DLD: variants seen among roughly 807,000 people sequenced by gnomAD.
The protein encoded by DLD is dihydrolipoyl dehydrogenase, mitochondrial.
A neutral mutation model predicts 62.2 loss-of-function variants in DLD; 36 were observed. That is an observed-to-expected ratio of 0.58 (90% confidence interval 0.44 to 0.76). The LOEUF is 0.76. Among genes scored for constraint, DLD ranks in the 30% least tolerant of loss-of-function variants. DLD has a pLI of 0.00. For missense variants in DLD, 541 were observed against 608.6 expected (o/e 0.89, Z 1.17); for synonymous variants, 204 against 199.6 (o/e 1.02, Z -0.19).
At chr7:107,891,558 CA>C (rs776786801) in intron 1 of DLD, 39 of 589,140 alleles carry the variant, frequency 6.6e-5, no homozygotes, top group Non-Finnish European at 1.1e-4. Flanking sequence ...GCCACACCCC[CA>C]AGCCTGGGCC....
intron 2 of DLD, among the ~76,000 whole-genome samples, chr7:107,896,234 G>C (rs553206485): frequency 6.6e-6 from 1 of 152,170 alleles, no homozygotes; most frequent in Non-Finnish European, 1.5e-5. Context: ...TTAGCTTTGC[G>C]GTAGCACTGG....
chr7:107,895,889 CA>C (rs1185809312), intron 2 of DLD, among the ~76,000 whole-genome samples: 1 of 152,098 alleles, frequency 6.6e-6, no homozygotes, highest in African/African-American at 2.4e-5. Flanking sequence ...CACACACAGA[CA>C]CAGCATGTGC....
rs570539642 is a variant in DLD at position 107,893,205 on chromosome 7, C to G, written c.45C>G (p.Gly15=). The part of the protein sequence containing the change: ...SRVYCSLAKR[G]HFNRISHGLQ... The stretch of plus-strand genomic sequence containing the variant: ...GGGACATTTTCTTTTTCTAGAGAGG[C>G]CATTTCAATCGAATATCTCATGGCC... Residue 15 remains glycine (G), a synonymous_variant, in exon 2 of 14, where the codon GGC becomes GGG. Coordinates refer to ENST00000205402, the MANE Select transcript of DLD (RefSeq NM_000108.5). The G allele has an allele frequency of 1.2e-5, 20 of 1,612,906 alleles. No individual in the cohort carries two copies. Among genetic ancestry groups the G allele is most frequent in the Non-Finnish European group, 1.7e-5 (20 of 1,179,366 alleles).
chr7:107,898,469 CAG>C (rs776292815), intron 2 of DLD, among the ~76,000 whole-genome samples: 39 of 149,996 alleles, frequency 2.6e-4, no homozygotes, highest in Non-Finnish European at 5.0e-4. Context: ...TTAGTAGAGA[CAG>C]GGTTTCACCA....
At chr7:107,905,589 G>A in intron 7 of DLD, 85 bp downstream of exon 7, 1 of 1,439,486 alleles carries the variant, frequency 6.9e-7, no homozygotes, top group Non-Finnish European at 9.7e-7. Context: ...TGTGAACTTT[G>A]AGAGATTTCT....
At chr7:107,892,941 A>T (rs2031625074) in intron 1 of DLD, among the ~76,000 whole-genome samples, 1 of 152,224 alleles carries the variant, frequency 6.6e-6, no homozygotes, top group South Asian at 2.1e-4. Context: ...CGTTTTTAAA[A>T]TTAAGTTAAA....
intron 9 of DLD, 53 bp from the exon 10 acceptor site, chr7:107,916,741 C>T (rs896501328): frequency 6.5e-7 from 1 of 1,537,304 alleles, no homozygotes; most frequent in Non-Finnish European, 9.0e-7. Context: ...ATTTCTAAGC[C>T]TATCAATTTA....
Position 107,920,221 on chromosome 7 carries a change from GT to G in DLD, c.*965del. 6.6e-6 allele frequency: 1 copy of G among 152,288 alleles called. No homozygotes were observed. Among genetic ancestry groups the G allele is most frequent in the African/African-American group, 2.4e-5 (1 of 41,426 alleles). The allele number at this position is 152,288 out of a possible 1,614,324, so 9.4% of individuals were successfully genotyped here. On this transcript the variant is annotated 3_prime_UTR_variant, in exon 14 of 14. Transcript: ENST00000205402. ...GTTTTCCTTGGCTGGGTTAATGACT[GT>G]TTATTTAAAGAGTGTTGTAAAATTG...
rs117348839 is a variant in DLD at position 107,904,659 on chromosome 7, C to T, written c.338-299C>T. On this transcript the variant is annotated intron_variant, in intron 5 of 13. Coordinates refer to ENST00000205402, the MANE Select transcript of DLD (RefSeq NM_000108.5). Reference sequence around the variant, plus strand: ...TTTGTCATTTCTACTTACATATCTTCCAGACTTATAACCATCGTAAAGTGT... The same window carrying T: ...TTTGTCATTTCTACTTACATATCTTTCAGACTTATAACCATCGTAAAGTGT... 1.5e-4 allele frequency: 76 copies of T among 498,314 alleles called. No individual in the cohort carries two copies. In the East Asian group the frequency reaches 3.9e-3, roughly 26 times the overall value. 30.9% of individuals were successfully genotyped at this position (498,314 alleles called of 1,614,324 possible).
intron 9 of DLD, among the ~76,000 whole-genome samples, chr7:107,916,578 A>T (rs185929417): frequency 1.1e-3 from 163 of 152,184 alleles, no homozygotes; most frequent in African/African-American, 3.5e-3. Flanking sequence ...AGGCTGAGGC[A>T]GGAGAATCTC....
chr7:107,897,574 C>CTT (rs35546358), intron 2 of DLD, among the ~76,000 whole-genome samples: 2,024 of 111,314 alleles, frequency 0.018, 83 homozygotes, highest in African/African-American at 0.067. Context: ...TGTAGACTGA[C>CTT]TTTTTTTTTT....
At chr7:107,911,385 C>A (rs759735579) in intron 8 of DLD, among the ~76,000 whole-genome samples, 29 of 152,282 alleles carry the variant, frequency 1.9e-4, no homozygotes, top group South Asian at 1.0e-3. Flanking sequence ...ATCCATTCAT[C>A]ATGGGTGGAC....
intron 2 of DLD, among the ~76,000 whole-genome samples, chr7:107,896,766 A>G (rs1190470120): frequency 6.6e-6 from 1 of 152,132 alleles, no homozygotes. Flanking sequence ...AAATTTGGTA[A>G]TTAATGATTA....
chr7:107,910,339 C>T (rs1288225873), intron 8 of DLD, among the ~76,000 whole-genome samples: 3 of 152,172 alleles, frequency 2.0e-5, no homozygotes, highest in Non-Finnish European at 4.4e-5. Flanking sequence ...ATTTCTTCAT[C>T]TCAGCAGTTT....
intron 1 of DLD, 89 bp downstream of exon 1, chr7:107,891,378 C>A: frequency 1.5e-6 from 2 of 1,340,358 alleles, no homozygotes; most frequent in African/African-American, 3.2e-5. Context: ...CCGTGTTGGG[C>A]TGGCGGAGGC....
At chr7:107,917,017 A>G (rs2032287716) in intron 10 of DLD, 53 bp downstream of exon 10, 1 of 1,568,240 alleles carries the variant, frequency 6.4e-7, no homozygotes, top group Non-Finnish European at 8.8e-7. Context: ...GATTTCAAAC[A>G]GTATTTTGAA....
chr7:107,915,556 A>T lies in DLD; in HGVS notation c.735A>T (p.Leu245Phe). 6.2e-7 allele frequency: 1 copy of T among 1,613,920 alleles called. No homozygotes were observed. Among genetic ancestry groups the T allele is most frequent in the Non-Finnish European group, 8.5e-7 (1 of 1,179,924 alleles). Residue 245 changes from leucine to phenylalanine, a missense_variant, in exon 9 of 14, where the codon TTA becomes TTT. Coordinates refer to ENST00000205402, the MANE Select transcript of DLD (RefSeq NM_000108.5). Reference protein sequence around the residue: ...LGADVTAVEFLGHVGGVGIDM... With the variant: ...LGADVTAVEFFGHVGGVGIDM... ...CAGATGTGACAGCAGTTGAATTTTT[A>T]GGTCATGTAGGTGGAGTTGGAATTG...
chr7:107,903,020 A>T (rs1025102329), intron 4 of DLD, among the ~76,000 whole-genome samples: 2 of 152,204 alleles, frequency 1.3e-5, no homozygotes, highest in Non-Finnish European at 2.9e-5. Flanking sequence ...GTTATGATTT[A>T]TGACTATAAT....
intron 8 of DLD, among the ~76,000 whole-genome samples, chr7:107,910,551 G>C (rs1308382317): frequency 1.3e-5 from 2 of 151,990 alleles, no homozygotes; most frequent in African/African-American, 4.8e-5. Context: ...TTCCATTCCA[G>C]TTTAGTGTAG....
Sources: gnomAD v4.1 joint callset for allele counts (sites outside exome capture counted in the v4.1 genomes callset) on GRCh38, gnomAD v4.1.1 for gene constraint, MANE v1.5 for transcripts, NCBI Gene and HGNC (gene_info 2026-07-23, HGNC 2026-07-21) for gene names.